AGBL1: variants seen among roughly 807,000 people sequenced by gnomAD.
AGBL1 encodes the protein cytosolic carboxypeptidase 4.
In AGBL1, 130 loss-of-function variants were observed where a neutral mutation model predicts 118.9. The ratio of observed to expected loss-of-function variants is 1.09; its 90% CI spans 0.95 to 1.26. The LOEUF is 1.26. Ranked by LOEUF, AGBL1 falls within the 50% of genes most tolerant of loss-of-function variation. The probability of loss-of-function intolerance (pLI) is 0.00; values close to 1 mark genes in which losing one functional copy is unlikely to be tolerated. For synonymous variants in AGBL1, 555 were observed against 478.9 expected (o/e 1.16, Z -2.08); for missense variants, 1,584 against 1,298.1 (o/e 1.22, Z -3.38).
rs187902290 is a variant in AGBL1 at position 86,860,354 on chromosome 15, C to A, written c.3159-46733C>A. Among the ~76,000 whole-genome samples, 566 of 152,030 alleles carry A rather than the reference C, an allele frequency of 3.7e-3. 1 individual carries two copies. Among genetic ancestry groups the A allele is most frequent in the Middle Eastern group, 0.01 (3 of 292 alleles). On this transcript the variant is annotated intron_variant, in intron 22 of 22. Coordinates refer to ENST00000614907, the MANE Select transcript of AGBL1 (RefSeq NM_001386094.1). ...AACAACTACATCAAGAGAGCCAGCT[C>A]CCCTTCATTCCTTTTGTGTCAGAAA...
At position 86,517,130 on chromosome 15, in the gene AGBL1, C is replaced by T. The variant is rs955837486; in HGVS notation, c.2556-5680C>T. On this transcript the variant is annotated intron_variant, in intron 18 of 22. Transcript: ENST00000614907. ...GTATGTAAGTGGGAGTGTCTCCAAG[C>T]TTTTGGAGCTGGCTCTGCTCCAGAT... Among the ~76,000 whole-genome samples the T allele has an allele frequency of 2.0e-5, 3 of 152,298 alleles. No individual in the cohort carries two copies. The South Asian group carries it at 6.2e-4, about 32-fold the overall frequency.
At chr15:86,192,881 A>G (rs1011823087) in intron 5 of AGBL1, among the ~76,000 whole-genome samples, 4 of 152,214 alleles carry the variant, frequency 2.6e-5, no homozygotes, top group Non-Finnish European at 5.9e-5. Context: ...GGAAATATAC[A>G]CACATATATA....
intron 6 of AGBL1, among the ~76,000 whole-genome samples, chr15:86,233,829 G>A (rs1482506890): frequency 1.3e-5 from 2 of 152,150 alleles, no homozygotes; most frequent in African/African-American, 2.4e-5. Context: ...CAATTGAACT[G>A]AACCTGACCC....
At chr15:86,895,169 CT>C (rs11372009) in intron 22 of AGBL1, among the ~76,000 whole-genome samples, 10 of 149,850 alleles carry the variant, frequency 6.7e-5, no homozygotes, top group East Asian at 2.0e-4. Flanking sequence ...TCTTCTTTCT[CT>C]TTCCCCCCTC....
intron 23 of AGBL1, among the ~76,000 whole-genome samples, chr15:86,953,994 C>T (rs932335539): frequency 6.6e-6 from 1 of 152,136 alleles, no homozygotes; most frequent in Non-Finnish European, 1.5e-5. Context: ...TGCTCCTCAT[C>T]ACTAATTATC....
intron 22 of AGBL1, among the ~76,000 whole-genome samples, chr15:86,768,009 T>G (rs2078120765): frequency 6.6e-6 from 1 of 152,046 alleles, no homozygotes; most frequent in Admixed American, 6.6e-5. Context: ...AAGGGCCTTC[T>G]TAGATTGCTT....
chr15:86,444,865 A>G (rs2082103471), intron 18 of AGBL1, among the ~76,000 whole-genome samples: 1 of 152,224 alleles, frequency 6.6e-6, no homozygotes, highest in South Asian at 2.1e-4. Context: ...AATTTAATTG[A>G]AAGTTAAATT....
chr15:86,097,377 G>T (rs1182315551), intron 1 of AGBL1, among the ~76,000 whole-genome samples: 1 of 151,940 alleles, frequency 6.6e-6, no homozygotes, highest in Non-Finnish European at 1.5e-5. Context: ...GTTAACTGTA[G>T]TCATCCCACT....
intron 6 of AGBL1, among the ~76,000 whole-genome samples, chr15:86,241,123 G>A (rs1413652975): frequency 6.6e-6 from 1 of 152,174 alleles, no homozygotes; most frequent in African/African-American, 2.4e-5. Flanking sequence ...ATGTATGGGA[G>A]TGTTTCAGAG....
At chr15:86,473,420 T>G (rs1035015780) in intron 18 of AGBL1, among the ~76,000 whole-genome samples, 3 of 152,196 alleles carry the variant, frequency 2.0e-5, no homozygotes, top group African/African-American at 7.2e-5. Context: ...CAAATTAAAG[T>G]AAAAAAGAAA....
At chr15:86,322,575 T>C (rs1376872736) in intron 17 of AGBL1, among the ~76,000 whole-genome samples, 3 of 152,180 alleles carry the variant, frequency 2.0e-5, no homozygotes, top group African/African-American at 7.2e-5. Context: ...AGTTTTTATT[T>C]GTAATATCGC....
chr15:86,296,333 C>T (rs2079640612), intron 17 of AGBL1: 1 of 151,996 alleles, frequency 6.6e-6, no homozygotes, highest in Admixed American at 6.5e-5. Context: ...AATTTATCCC[C>T]AGAAGATACT....
At chr15:86,391,653 T>TG (rs1016776956) in intron 17 of AGBL1, among the ~76,000 whole-genome samples, 2 of 143,992 alleles carry the variant, frequency 1.4e-5, no homozygotes, top group African/African-American at 2.6e-5. Flanking sequence ...TTTTTTTTTT[T>TG]TTTTTTTTTT....
intron 7 of AGBL1, among the ~76,000 whole-genome samples, chr15:86,252,766 G>A (rs1260432054): frequency 6.6e-6 from 1 of 152,194 alleles, no homozygotes; most frequent in Non-Finnish European, 1.5e-5. Flanking sequence ...GCTGTGGAGA[G>A]CGAGTGGGAC....
At chr15:86,958,521 C>A (rs1754283408) in intron 23 of AGBL1, among the ~76,000 whole-genome samples, 1 of 151,986 alleles carries the variant, frequency 6.6e-6, no homozygotes, top group African/African-American at 2.4e-5. Context: ...GTAAATTTAA[C>A]AGGAAAAAGT....
chr15:86,649,329 A>C (rs533477162), intron 21 of AGBL1, among the ~76,000 whole-genome samples: 1 of 152,284 alleles, frequency 6.6e-6, no homozygotes, highest in East Asian at 1.9e-4. Context: ...ATCATTGAGA[A>C]TGAAGATGGG....
At chr15:86,192,388 T>C (rs948660403) in intron 5 of AGBL1, among the ~76,000 whole-genome samples, 3 of 151,420 alleles carry the variant, frequency 2.0e-5, no homozygotes, top group African/African-American at 4.8e-5. Flanking sequence ...TAAACTTATA[T>C]AGTTTAAAAC....
At chr15:86,580,777 A>G (rs1029474802) in intron 21 of AGBL1, among the ~76,000 whole-genome samples, 33 of 152,304 alleles carry the variant, frequency 2.2e-4, no homozygotes, top group African/African-American at 7.7e-4. Flanking sequence ...TATTCACCCT[A>G]TAGTGCTATG....
At chr15:86,663,729 A>G (rs983105698) in intron 21 of AGBL1, among the ~76,000 whole-genome samples, 1 of 152,166 alleles carries the variant, frequency 6.6e-6, no homozygotes, top group African/African-American at 2.4e-5. Flanking sequence ...CTCTTGGTAA[A>G]CAAATCCATG....
Sources: allele counts gnomAD v4.1 joint callset (sites outside exome capture counted in the v4.1 genomes callset), GRCh38; gene constraint gnomAD v4.1.1; transcripts MANE v1.5; gene names NCBI Gene and HGNC (gene_info 2026-07-23, HGNC 2026-07-21).